The following NAALADL2 variants were observed in gnomAD, a reference collection of about 807,000 sequenced individuals.
NAALADL2 encodes the protein N-acetylated alpha-linked acidic dipeptidase like 2, also known as inactive N-acetylated-alpha-linked acidic dipeptidase-like protein 2.
Under a neutral mutation model 87.2 loss-of-function variants are expected in NAALADL2, and 76 were observed. The ratio of observed to expected loss-of-function variants is 0.87; its 90% confidence interval spans 0.72 to 1.05. The LOEUF (loss-of-function observed/expected upper bound fraction) is 1.05. NAALADL2 is among the 50% of genes least tolerant of loss of function. NAALADL2 has a pLI of 0.00. For synonymous variants in NAALADL2, 354 were observed against 331.0 expected (o/e 1.07, Z -0.75); for missense variants, 1,089 against 945.8 (o/e 1.15, Z -1.99).
chr3:174,514,009 T>C (rs945885232), intron 1 of NAALADL2, among the ~76,000 whole-genome samples: 5 of 152,272 alleles, frequency 3.3e-5, no homozygotes, highest in Admixed American at 6.5e-5. Context: ...TTTTTGATCA[T>C]TTATGATGCA....
intron 1 of NAALADL2, among the ~76,000 whole-genome samples, chr3:174,495,189 AGAGCCATTTTAGAATAAATGAAGGATT>A (rs1718444152): frequency 6.6e-6 from 1 of 151,674 alleles, no homozygotes; most frequent in Non-Finnish European, 1.5e-5. Flanking sequence ...TTGTAAATTC[AGAGCCATTTTAGAATAAATGAAGGATT>A]CAGCAATATG....
At chr3:175,208,535 GCA>G (rs1172072640) in intron 2 of NAALADL2, among the ~76,000 whole-genome samples, 2 of 152,106 alleles carry the variant, frequency 1.3e-5, no homozygotes, top group Non-Finnish European at 2.9e-5. Context: ...TGGTCAGTCA[GCA>G]TGTGCTCGAT....
chr3:175,261,030 C>T (rs898055436), intron 4 of NAALADL2, among the ~76,000 whole-genome samples: 5 of 152,088 alleles, frequency 3.3e-5, no homozygotes, highest in Non-Finnish European at 5.9e-5. Flanking sequence ...GAAAAAGCAT[C>T]GACCAAGTTC....
intron 1 of NAALADL2, among the ~76,000 whole-genome samples, chr3:174,494,553 G>A (rs1350065174): frequency 1.3e-5 from 2 of 151,556 alleles, no homozygotes; most frequent in Non-Finnish European, 2.9e-5. Context: ...CAGCACACCA[G>A]CATGGCACAT....
chr3:174,774,843 C>T (rs1303715768), intron 3 of NAALADL2, among the ~76,000 whole-genome samples: 5 of 152,174 alleles, frequency 3.3e-5, no homozygotes, highest in Admixed American at 3.3e-4. Context: ...AGAGCCTTGG[C>T]TTTTCACTTT....
At chr3:174,928,405 A>C (rs1180693619) in intron 1 of NAALADL2, among the ~76,000 whole-genome samples, 1 of 151,944 alleles carries the variant, frequency 6.6e-6, no homozygotes, top group Non-Finnish European at 1.5e-5. Flanking sequence ...ATGCCCAGCT[A>C]ATTTTTTTGC....
rs145879328 is a variant in NAALADL2, at chr3:175,065,522, A to T, written c.44-31268A>T. ...AAGACATACAAGGTATAGTAATCCC[A>T]GTTTAAATGGAGGATGTCCTACCAG... On this transcript the variant is annotated intron_variant, in intron 1 of 13. Coordinates refer to ENST00000454872, the MANE Select transcript of NAALADL2 (RefSeq NM_207015.3). Among the ~76,000 whole-genome samples, 39 of 152,308 alleles carry T rather than the reference A, an allele frequency of 2.6e-4. 1 individual carries two copies. Among genetic ancestry groups the T allele is most frequent in the Non-Finnish European group, 5.0e-4 (34 of 68,022 alleles).
chr3:174,922,572 G>A (rs908903194), intron 1 of NAALADL2, among the ~76,000 whole-genome samples: 2 of 152,018 alleles, frequency 1.3e-5, no homozygotes, highest in African/African-American at 2.4e-5. Context: ...TCTGTTCCAG[G>A]ATCCTATCCA....
chr3:174,470,156 C>A (rs1173296602), intron 1 of NAALADL2, among the ~76,000 whole-genome samples: 1 of 152,152 alleles, frequency 6.6e-6, no homozygotes, highest in Non-Finnish European at 1.5e-5. Context: ...ACCTTGCCAG[C>A]ATCTGTTATT....
chr3:175,647,198 T>G (rs754344644), intron 11 of NAALADL2, among the ~76,000 whole-genome samples: 1 of 152,152 alleles, frequency 6.6e-6, no homozygotes, highest in Non-Finnish European at 1.5e-5. Context: ...CTACTGTATA[T>G]TCCTAACAGA....
At chr3:175,767,064 A>G (rs1748795069) in intron 13 of NAALADL2, among the ~76,000 whole-genome samples, 1 of 152,186 alleles carries the variant, frequency 6.6e-6, no homozygotes, top group Non-Finnish European at 1.5e-5. Context: ...CATGAGCTAC[A>G]CTAGTTGACA....
chr3:175,782,026 G>A (rs1397844980), intron 13 of NAALADL2, among the ~76,000 whole-genome samples: 1 of 151,092 alleles, frequency 6.6e-6, no homozygotes, highest in African/African-American at 2.4e-5. Context: ...CCCTACAAAG[G>A]ACATGAACTC....
chr3:175,411,301 A>G (rs879573665), intron 5 of NAALADL2, among the ~76,000 whole-genome samples: 1 of 152,186 alleles, frequency 6.6e-6, no homozygotes, highest in Non-Finnish European at 1.5e-5. Flanking sequence ...GCTTTGAGTT[A>G]TGCTCTTAAT....
At chr3:174,609,896 C>G (rs1182690468) in intron 2 of NAALADL2, among the ~76,000 whole-genome samples, 1 of 152,098 alleles carries the variant, frequency 6.6e-6, no homozygotes, top group Non-Finnish European at 1.5e-5. Context: ...AGGCATCATG[C>G]TACCTGACTT....
chr3:174,641,612 T>C (rs1723193949), intron 2 of NAALADL2, among the ~76,000 whole-genome samples: 1 of 152,148 alleles, frequency 6.6e-6, no homozygotes, highest in Non-Finnish European at 1.5e-5. Flanking sequence ...GTAAAGTAAG[T>C]TACTTGAGAT....
chr3:175,698,503 A>ATATATATATATATATATAT (rs1491393693), intron 11 of NAALADL2, among the ~76,000 whole-genome samples: 7 of 141,328 alleles, frequency 5.0e-5, no homozygotes, highest in Non-Finnish European at 7.6e-5. Context: ...ATATATATAT[A>ATATATATATATATATATAT]AAATCTCCAA....
At chr3:174,813,573 G>A (rs746690654) in intron 3 of NAALADL2, among the ~76,000 whole-genome samples, 3 of 152,124 alleles carry the variant, frequency 2.0e-5, no homozygotes, top group Non-Finnish European at 2.9e-5. Context: ...TATGATGTTC[G>A]CATAAAGATG....
chr3:174,984,749 G>A (rs1055576117), intron 1 of NAALADL2, among the ~76,000 whole-genome samples: 1 of 152,122 alleles, frequency 6.6e-6, no homozygotes, highest in Non-Finnish European at 1.5e-5. Flanking sequence ...GAAGGTAAAT[G>A]AACTCATCAT....
intron 11 of NAALADL2, among the ~76,000 whole-genome samples, chr3:175,705,254 G>A (rs987751380): frequency 2.0e-5 from 3 of 152,050 alleles, no homozygotes; most frequent in South Asian, 2.1e-4. Flanking sequence ...AGTAAAAAAC[G>A]ACATAGGAAA....
Sources: allele counts gnomAD v4.1 joint callset (sites outside exome capture counted in the v4.1 genomes callset), GRCh38; gene constraint gnomAD v4.1.1; transcripts MANE v1.5; gene names NCBI Gene and HGNC (gene_info 2026-07-23, HGNC 2026-07-21).